CABIN1: variants seen among roughly 807,000 people sequenced by gnomAD.
CABIN1 encodes the protein calcineurin-binding protein cabin-1.
In CABIN1, 133 loss-of-function variants were observed where a neutral mutation model predicts 227.7. The ratio of observed to expected loss-of-function variants is 0.58; its 90% CI spans 0.51 to 0.67. The LOEUF is 0.67. Ranked by LOEUF, CABIN1 falls within the 30% of genes least tolerant of loss-of-function variation. CABIN1 has a pLI of 0.00. For missense variants in CABIN1, 2,408 were observed against 2,852.5 expected, an observed-to-expected ratio of 0.84 and a Z score of 3.55; for synonymous variants, 1,086 against 1,155.1, an observed-to-expected ratio of 0.94 and a Z score of 1.21.
At chr22:24,111,344 G>C (rs535894770) in intron 26 of CABIN1, among the ~76,000 whole-genome samples, 72 of 152,294 alleles carry the variant, frequency 4.7e-4, no homozygotes, top group African/African-American at 1.6e-3. Flanking sequence ...GAACTGGGCT[G>C]CACAGCAGGA....
intron 29 of CABIN1, among the ~76,000 whole-genome samples, chr22:24,159,398 A>G (rs1258813384): frequency 6.6e-6 from 1 of 152,262 alleles, no homozygotes; most frequent in Non-Finnish European, 1.5e-5. Context: ...TTTGGATTGG[A>G]CAACCTGGGT....
At position 24,177,722 on chromosome 22, in the gene CABIN1, A is replaced by G. The variant is rs147480049; in HGVS notation, c.6424A>G (p.Thr2142Ala). 3.2e-5 allele frequency: 51 copies of G among 1,612,576 alleles called. No homozygotes were observed. Among genetic ancestry groups the G allele is most frequent in the East Asian group, 2.2e-5 (1 of 44,842 alleles). ...AAAGCTGGTCATCCCCTCCGCCGCC[A>G]CCAAGTTCCCCCCTGAGATCACCGT... Reference protein sequence around the residue: ...MPKLVIPSAATKFPPEITVTP... With the variant: ...MPKLVIPSAAAKFPPEITVTP... The change falls in exon 36 of 37, where the codon ACC becomes GCC. Residue 2142 changes from threonine (T) to alanine (A), a missense_variant. By Grantham distance (58) the Thr-to-Ala change is moderately conservative. Coordinates refer to ENST00000263119, the MANE Select transcript of CABIN1 (RefSeq NM_012295.4). This position sits in a 1 kb window ranked among gnomAD's most constrained non-coding sequence, Gnocchi z 4.4.
At chr22:24,013,832 TA>T (rs1412308719) in intron 1 of CABIN1, among the ~76,000 whole-genome samples, 12 of 152,232 alleles carry the variant, frequency 7.9e-5, no homozygotes, top group Non-Finnish European at 1.5e-4. Flanking sequence ...AGTGATCAGT[TA>T]TTTTGTCTAA....
intron 6 of CABIN1, among the ~76,000 whole-genome samples, chr22:24,045,585 G>C (rs1222219519): frequency 6.6e-6 from 1 of 151,348 alleles, no homozygotes; most frequent in Admixed American, 6.6e-5. Flanking sequence ...TCCAGCCTGG[G>C]TGACAGAGCG....
chr22:24,012,640 T>C (rs1446157698), intron 1 of CABIN1, among the ~76,000 whole-genome samples: 1 of 152,196 alleles, frequency 6.6e-6, no homozygotes, highest in African/African-American at 2.4e-5. Context: ...TCTAAGGGGT[T>C]TGGAAACTTA....
chr22:24,047,536 C>T (rs1361249846), intron 6 of CABIN1, among the ~76,000 whole-genome samples: 1 of 152,226 alleles, frequency 6.6e-6, no homozygotes, highest in East Asian at 1.9e-4. Flanking sequence ...CTGATGCAGG[C>T]ACCTTTGGAC....
intron 35 of CABIN1, 123 bp downstream of exon 35, chr22:24,176,398 A>T (rs1208792370): frequency 8.8e-6 from 10 of 1,138,718 alleles, no homozygotes; most frequent in African/African-American, 1.5e-5. Flanking sequence ...ATGGAATGAG[A>T]TGGGGAGGAA....
chr22:24,138,792 A>G (rs1427332750), intron 29 of CABIN1, among the ~76,000 whole-genome samples: 1 of 152,206 alleles, frequency 6.6e-6, no homozygotes, highest in Non-Finnish European at 1.5e-5. Context: ...TGAAACATGG[A>G]CAACTATGTC....
chr22:24,118,654 C>T (rs1449513519), intron 27 of CABIN1, among the ~76,000 whole-genome samples: 1 of 152,216 alleles, frequency 6.6e-6, no homozygotes, highest in African/African-American at 2.4e-5. Flanking sequence ...CTGTCCCACC[C>T]TCCCGGGCCA....
Position 24,092,937 on chromosome 22 carries a change from T to C in CABIN1, c.3786+1094T>C, listed in dbSNP as rs562406091. On this transcript the variant is annotated intron_variant, in intron 24 of 36. Coordinates refer to ENST00000263119, the MANE Select transcript of CABIN1 (RefSeq NM_012295.4). ...AAATTTAATGGAAGGTGTGGTGAGC[T>C]TCCCTGCCTGCCCTAGTGCCCTGTA... Among the ~76,000 whole-genome samples, 5 of 152,276 alleles carry C rather than the reference T, an allele frequency of 3.3e-5. No homozygotes were observed. In the South Asian group the frequency reaches 1.0e-3, roughly 32 times the overall value.
chr22:24,054,450 C>T (rs768230319), intron 8 of CABIN1, among the ~76,000 whole-genome samples: 3 of 152,214 alleles, frequency 2.0e-5, no homozygotes, highest in Non-Finnish European at 4.4e-5. Flanking sequence ...TCCCTGTTGG[C>T]AGTCCCCCAC....
rs2041232299 is a variant in CABIN1, at chr22:24,087,304, G to T, written c.3264-148G>T. ...ATGACTGGTCTGGGTCATGGTCATG[G>T]CATTAGTGAGTGGCAGAGTTGGGCT... On this transcript the variant is annotated intron_variant, in intron 22 of 36. Coordinates refer to ENST00000263119, the MANE Select transcript of CABIN1 (RefSeq NM_012295.4). 3 of 958,822 alleles carry T rather than the reference G, an allele frequency of 3.1e-6. No individual in the cohort carries two copies. In the South Asian group the frequency reaches 4.3e-5, roughly 14 times the overall value. 59.4% of individuals were successfully genotyped at this position (958,822 alleles called of 1,614,324 possible).
intron 29 of CABIN1, among the ~76,000 whole-genome samples, chr22:24,164,194 G>A (rs1435714125): frequency 6.6e-6 from 1 of 152,218 alleles, no homozygotes; most frequent in Non-Finnish European, 1.5e-5. Context: ...CAGTGGGTCT[G>A]TCTGTCATTT....
chr22:24,175,321 G>T (rs544635916), intron 34 of CABIN1, among the ~76,000 whole-genome samples: 1 of 152,322 alleles, frequency 6.6e-6, no homozygotes, highest in South Asian at 2.1e-4. Flanking sequence ...GCTTTGTACC[G>T]GGAGCTGTCA....
intron 29 of CABIN1, among the ~76,000 whole-genome samples, chr22:24,141,642 A>G (rs1205324638): frequency 6.6e-6 from 1 of 151,582 alleles, no homozygotes; most frequent in African/African-American, 2.4e-5. Context: ...ATTTTGGCCT[A>G]TCTGTGGAGT....
intron 29 of CABIN1, among the ~76,000 whole-genome samples, chr22:24,139,767 T>C (rs778274801): frequency 1.2e-4 from 19 of 152,220 alleles, no homozygotes; most frequent in Non-Finnish European, 1.9e-4. Context: ...GTGCTGTTGC[T>C]GTGTTCCTAA....
intron 28 of CABIN1, among the ~76,000 whole-genome samples, chr22:24,126,577 T>C (rs2043736975): frequency 6.6e-6 from 1 of 151,916 alleles, no homozygotes; most frequent in Admixed American, 6.6e-5. Context: ...CTGGTGTGAC[T>C]AGAATCTGCT....
At position 24,178,319 on chromosome 22, in the gene CABIN1, C is replaced by T; in HGVS notation, c.*123C>T. ...TGCCACTCCCCACACAGCCCCCAGG[C>T]CTGCCCAGCCCACCTCCTCATGGCA... On this transcript the variant is annotated 3_prime_UTR_variant, in exon 37 of 37. Coordinates refer to ENST00000263119, the MANE Select transcript of CABIN1 (RefSeq NM_012295.4). The T allele has an allele frequency of 1.6e-6, 2 of 1,227,786 alleles. No individual in the cohort carries two copies. Among genetic ancestry groups the T allele is most frequent in the Non-Finnish European group, 2.3e-6 (2 of 876,154 alleles). The allele number at this position is 1,227,786 out of a possible 1,614,324, so 76.1% of individuals were successfully genotyped here.
At position 24,178,400 on chromosome 22, in the gene CABIN1, G is replaced by T; in HGVS notation, c.*204G>T. 1 of 627,844 alleles carries T rather than the reference G, an allele frequency of 1.6e-6. No homozygotes were observed. Among genetic ancestry groups the T allele is most frequent in the Non-Finnish European group, 2.7e-6 (1 of 365,074 alleles). The allele number at this position is 627,844 out of a possible 1,614,324, so 38.9% of individuals were successfully genotyped here. ...ACCACATGGGAGCCCAGAGGAGGAG[G>T]GGCCCGCCTTAGCCATGTGAAGGTG... On this transcript the variant is annotated 3_prime_UTR_variant, in exon 37 of 37. Transcript: ENST00000263119.
Sources: gnomAD v4.1 joint callset for allele counts (sites outside exome capture counted in the v4.1 genomes callset) on GRCh38, gnomAD v4.1.1 for gene constraint, Gnocchi (gnomAD v3.1) non-coding constraint, MANE v1.5 for transcripts, NCBI Gene and HGNC (gene_info 2026-07-23, HGNC 2026-07-21) for gene names.